CDC42BPA: variants seen among roughly 807,000 people sequenced by gnomAD.
CDC42BPA encodes the protein serine/threonine-protein kinase MRCK alpha.
In CDC42BPA, 80 loss-of-function variants were observed where a neutral mutation model predicts 223.5. That is an observed-to-expected ratio of 0.36 (90% CI 0.30 to 0.43). The LOEUF is 0.43. Ranked by LOEUF, CDC42BPA falls within the 20% of genes least tolerant of loss-of-function variation. The pLI is 1.00. For synonymous variants in CDC42BPA, 694 were observed against 718.6 expected (o/e 0.97, Z 0.55); for missense variants, 1,743 against 2,099.9 (o/e 0.83, Z 3.32).
At position 227,260,112 on chromosome 1, in the gene CDC42BPA, T is replaced by C. The variant is rs143488550; in HGVS notation, c.179-5957A>G. 8.8e-3 allele frequency among the ~76,000 whole-genome samples: 1,325 copies of C among 150,528 alleles called. 17 individuals are homozygous for C. Among genetic ancestry groups the C allele is most frequent in the Admixed American group, 0.015 (232 of 15,220 alleles). On this transcript the variant is annotated intron_variant, in intron 1 of 36. Transcript: ENST00000366766. ...TACCTAGTAAGTGGCAAAGACAGGA[T>C]TAAAACTCAGATCTATCAGGCTCCA...
chr1:226,996,051 G>T (rs1331419303), intron 35 of CDC42BPA, among the ~76,000 whole-genome samples: 1 of 152,180 alleles, frequency 6.6e-6, no homozygotes, highest in African/African-American at 2.4e-5. Context: ...CTGAACAAGA[G>T]CCTGCCTGGG....
At chr1:227,049,672 G>A (rs1167054796) in intron 22 of CDC42BPA, among the ~76,000 whole-genome samples, 4 of 152,068 alleles carry the variant, frequency 2.6e-5, no homozygotes, top group Non-Finnish European at 4.4e-5. Flanking sequence ...TTGTAATTAA[G>A]ACAATTTACT....
intron 2 of CDC42BPA, among the ~76,000 whole-genome samples, chr1:227,241,004 C>A (rs1330563252): frequency 6.6e-6 from 1 of 151,832 alleles, no homozygotes; most frequent in Non-Finnish European, 1.5e-5. Flanking sequence ...TACAGCTCAA[C>A]AATAAAAATA....
chr1:227,164,422 A>G (rs900278720), intron 5 of CDC42BPA, among the ~76,000 whole-genome samples: 6 of 152,182 alleles, frequency 3.9e-5, no homozygotes, highest in African/African-American at 1.4e-4. Flanking sequence ...GTCTTTTTTT[A>G]TATTCTTCAG....
In CDC42BPA at chr1:227,082,714, CAAAAAAAAAA is replaced by C. The variant is rs71574595; in HGVS notation, c.2356-1707_2356-1698del. ...TGGGTGACAGAATGAGACTCTGTCT[CAAAAAAAAAA>C]AAAAAAAAAAAAAAAAAGAATGTAG... is the stretch of plus-strand genomic sequence containing the variant. On this transcript the variant is annotated intron_variant, in intron 16 of 36. Coordinates refer to ENST00000366766, the MANE Select transcript of CDC42BPA (RefSeq NM_001394014.1). Among the ~76,000 whole-genome samples, 38 of 59,528 alleles carry C rather than the reference CAAAAAAAAAA, an allele frequency of 6.4e-4. 1 individual carries two copies. The highest frequency in any genetic ancestry group is 4.6e-3 in the Admixed American group (29 of 6,350). 39.1% of individuals were successfully genotyped at this position (59,528 alleles called of 152,430 possible).
chr1:227,034,834 C>G, intron 25 of CDC42BPA, 40 bp from the exon 26 acceptor site: 1 of 1,533,956 alleles, frequency 6.5e-7, no homozygotes, highest in Non-Finnish European at 8.9e-7. Context: ...CAAAACAACT[C>G]AAATGAAAAT....
intron 1 of CDC42BPA, among the ~76,000 whole-genome samples, chr1:227,255,020 A>G (rs1682805955): frequency 6.6e-6 from 1 of 152,234 alleles, no homozygotes; most frequent in South Asian, 2.1e-4. Flanking sequence ...AAGAGCTAGA[A>G]AATGGAAAAG....
At chr1:227,213,284 TTCC>T in intron 2 of CDC42BPA, 65 bp from the exon 3 acceptor site, 1 of 787,328 alleles carries the variant, frequency 1.3e-6, no homozygotes, top group Non-Finnish European at 2.0e-6. Context: ...GCCATCCATT[TTCC>T]TTTTTCCTCT....
chr1:227,225,581 GT>G (rs1350126357), intron 2 of CDC42BPA, among the ~76,000 whole-genome samples: 1 of 152,088 alleles, frequency 6.6e-6, no homozygotes, highest in African/African-American at 2.4e-5. Flanking sequence ...AGTTGTATAG[GT>G]GTTCTCATCT....
rs997980765 is a variant in CDC42BPA at position 226,990,045 on chromosome 1, C to G, written c.*4223G>C. On this transcript the variant is annotated 3_prime_UTR_variant, in exon 37 of 37. Coordinates refer to ENST00000366766, the MANE Select transcript of CDC42BPA (RefSeq NM_001394014.1). ...GGATCTCTTAAAAAGTTCCCTAAGA[C>G]ACTGAGGGCATAAAACCAAACAAAA... The G allele has an allele frequency of 3.3e-5, 5 of 152,542 alleles. No homozygotes were observed. Among genetic ancestry groups the G allele is most frequent in the Admixed American group, 3.3e-4 (5 of 15,280 alleles). 9.4% of individuals were successfully genotyped at this position (152,542 alleles called of 1,614,324 possible).
At chr1:227,202,655 C>A (rs966705029) in intron 3 of CDC42BPA, among the ~76,000 whole-genome samples, 1 of 151,532 alleles carries the variant, frequency 6.6e-6, no homozygotes, top group African/African-American at 2.4e-5. Context: ...GGAGTAGTGG[C>A]TCATATCTGC....
At chr1:227,190,363 G>A (rs892463681) in intron 5 of CDC42BPA, among the ~76,000 whole-genome samples, 5 of 152,176 alleles carry the variant, frequency 3.3e-5, no homozygotes, top group African/African-American at 9.7e-5. Context: ...ATGGGGCAAC[G>A]TCGATTTTAG....
intron 14 of CDC42BPA, among the ~76,000 whole-genome samples, chr1:227,105,356 C>CTTTT (rs35065841): frequency 1.1e-3 from 100 of 91,664 alleles, no homozygotes; most frequent in African/African-American, 1.7e-3. Flanking sequence ...TGCCTATTCT[C>CTTTT]TTTTTTTTTT....
At chr1:227,025,955 C>G in intron 31 of CDC42BPA, 100 bp downstream of exon 31, 2 of 652,786 alleles carry the variant, frequency 3.1e-6, no homozygotes, top group Middle Eastern at 4.0e-4. Context: ...ATTACACATT[C>G]CAGAAAATGT....
chr1:227,018,000 T>C (rs906818297), intron 32 of CDC42BPA, among the ~76,000 whole-genome samples: 3 of 150,732 alleles, frequency 2.0e-5, no homozygotes, highest in Non-Finnish European at 2.9e-5. Flanking sequence ...TTAGGCAGAC[T>C]GCTTTCCTAA....
At chr1:227,129,702 C>CGCATATATATATATATATATAT (rs1414504695) in intron 10 of CDC42BPA, among the ~76,000 whole-genome samples, 13 of 70,940 alleles carry the variant, frequency 1.8e-4, no homozygotes, top group African/African-American at 6.7e-4. Flanking sequence ...AAATCCACTG[C>CGCATATATATATATATATATAT]ATATATATAT....
chr1:227,216,837 T>C (rs182614004), intron 2 of CDC42BPA, among the ~76,000 whole-genome samples: 1 of 152,250 alleles, frequency 6.6e-6, no homozygotes, highest in East Asian at 1.9e-4. Context: ...TTAAAAACAC[T>C]AGCAATGTCT....
At chr1:227,222,541 C>G (rs1237565184) in intron 2 of CDC42BPA, among the ~76,000 whole-genome samples, 1 of 152,100 alleles carries the variant, frequency 6.6e-6, no homozygotes, top group Non-Finnish European at 1.5e-5. Context: ...CAGATTTTAC[C>G]TGTTTCATTG....
At chr1:227,274,155 T>C (rs942144710) in intron 1 of CDC42BPA, among the ~76,000 whole-genome samples, 2 of 151,886 alleles carry the variant, frequency 1.3e-5, no homozygotes, top group Non-Finnish European at 2.9e-5. Context: ...GTTAACAATA[T>C]ACAGTTCATG....
Sources: gnomAD v4.1 joint callset for allele counts (sites outside exome capture counted in the v4.1 genomes callset) on GRCh38, gnomAD v4.1.1 for gene constraint, MANE v1.5 for transcripts, NCBI Gene and HGNC (gene_info 2026-07-23, HGNC 2026-07-21) for gene names.